The following KNOP1 variants were observed in gnomAD, a reference collection of about 807,000 sequenced individuals.
KNOP1 encodes lysine rich nucleolar protein 1.
KNOP1 carries 20 observed loss-of-function variants against 30.6 expected under a neutral mutation model. That is an observed-to-expected ratio of 0.65 (90% confidence interval 0.46 to 0.95). The LOEUF (loss-of-function observed/expected upper bound fraction) is 0.95, where lower values mean the gene tolerates loss of function less well. Ranked by LOEUF, KNOP1 falls within the 40% of genes least tolerant of loss-of-function variation. The pLI is 0.00. For synonymous variants in KNOP1, 204 were observed against 210.0 expected (o/e 0.97, Z 0.25); for missense variants, 540 against 562.0 (o/e 0.96, Z 0.40).
In KNOP1 at chr16:19,705,036, T is replaced by C. The variant is rs1976302767; in HGVS notation, c.*1874A>G. ...AGGGGCGGGTGCAGCTATGGGCAGA[T>C]GACTCATTGCCCAGCAATGGAGGCT... On this transcript the variant is annotated 3_prime_UTR_variant, in exon 5 of 5. Transcript: ENST00000219837. 1 of 393,866 alleles carries C rather than the reference T, an allele frequency of 2.5e-6. No individual in the cohort carries two copies. The highest frequency in any genetic ancestry group is 2.8e-5 in the Admixed American group (1 of 35,602). 24.4% of individuals were successfully genotyped at this position (393,866 alleles called of 1,614,324 possible). A position where few individuals can be genotyped will look rare whatever the true frequency, so the allele number is the denominator to read the frequency against.
At chr16:19,715,700 C>G (rs1304355273) in intron 1 of KNOP1, among the ~76,000 whole-genome samples, 1 of 152,140 alleles carries the variant, frequency 6.6e-6, no homozygotes, top group Non-Finnish European at 1.5e-5. Flanking sequence ...GGATTACACG[C>G]ATGAGCCACC....
In KNOP1 at chr16:19,707,148, AT is replaced by A; in HGVS notation, c.1138del (p.Met380TrpfsTer45). On this transcript the variant is annotated frameshift_variant, in exon 5 of 5. Coordinates refer to ENST00000219837, the MANE Select transcript of KNOP1 (RefSeq NM_001012991.3). LOFTEE classifies it low-confidence loss of function (END_TRUNC). ...EDQKLKFLRL[M>X]GGFKNLSPSF... is the part of the protein sequence containing the mutation. ...AGGGGACAGGTTTTTGAAGCCACCC[AT>A]AAGTCTGAGAAATTTCAGTTTTTGG... The A allele has an allele frequency of 6.2e-7, 1 of 1,614,096 alleles. No homozygotes were observed. Among genetic ancestry groups the A allele is most frequent in the South Asian group, 1.1e-5 (1 of 91,076 alleles).
chr16:19,718,196 C>A lies in KNOP1; in HGVS notation c.-41G>T, dbSNP rs1977307528. ...TTCCCCGCCTCCACGTGAGAGCCAG[C>A]TCCGCCGTGACCCGGAAGTCCACTT... On this transcript the variant is annotated 5_prime_UTR_variant, in exon 1 of 5. Transcript: ENST00000219837. 2.6e-6 allele frequency: 4 copies of A among 1,510,168 alleles called. No individual in the cohort carries two copies. Among genetic ancestry groups the A allele is most frequent in the Non-Finnish European group, 3.5e-6 (4 of 1,133,538 alleles). 93.5% of individuals were successfully genotyped at this position (1,510,168 alleles called of 1,614,324 possible). A position where few individuals can be genotyped will look rare whatever the true frequency, so the allele number is the denominator to read the frequency against.
intron 1 of KNOP1, 47 bp from the exon 2 acceptor site, chr16:19,715,084 G>A: frequency 7.2e-7 from 1 of 1,386,110 alleles, no homozygotes. Flanking sequence ...GCCATCCTGT[G>A]TTCAATTCTA....
At position 19,714,621 on chromosome 16, in the gene KNOP1, C is replaced by T. The variant is rs764157990; in HGVS notation, c.415G>A (p.Glu139Lys). Residue 139 changes from glutamate (E) to lysine (K), a missense_variant, in exon 2 of 5, where the codon GAG becomes AAG. Coordinates refer to ENST00000219837, the MANE Select transcript of KNOP1 (RefSeq NM_001012991.3). ...VKTSPDPRQGEEETRVGKKLK... is the reference protein window; with the variant it reads ...VKTSPDPRQGKEETRVGKKLK... ...TTCTTGCCAACTCTGGTTTCCTCCT[C>T]ACCCTGTCTAGGGTCTGGGGAGGTT... 1.2e-6 allele frequency: 2 copies of T among 1,614,152 alleles called. No homozygotes were observed. The highest frequency in any genetic ancestry group is 1.1e-5 in the South Asian group (1 of 91,080).
At chr16:19,714,046 C>A in intron 2 of KNOP1, 72 bp downstream of exon 2, 1 of 1,332,628 alleles carries the variant, frequency 7.5e-7, no homozygotes, top group Non-Finnish European at 1.0e-6. Context: ...CATGCACACA[C>A]GCCTACACAC....
In KNOP1 at chr16:19,703,007, A is replaced by AAAG. The variant is rs1555510302; in HGVS notation, c.*3902_*3903insCTT. On this transcript the variant is annotated 3_prime_UTR_variant, in exon 5 of 5. Coordinates refer to ENST00000219837, the MANE Select transcript of KNOP1 (RefSeq NM_001012991.3). Reference sequence around the variant, plus strand: ...AGAGTGAGACTGTCTCAAAAAAAAAAAAAGAAAGAAAAACAAAACCATGGC... The same window carrying AAAG: ...AGAGTGAGACTGTCTCAAAAAAAAAAAAGAAAGAAAGAAAAACAAAACCATGGC... 1.7e-4 allele frequency: 26 copies of AAAG among 150,198 alleles called. No homozygotes were observed. Among genetic ancestry groups the AAAG allele is most frequent in the Non-Finnish European group, 2.4e-4 (16 of 67,858 alleles). 9.3% of individuals were successfully genotyped at this position (150,198 alleles called of 1,614,324 possible). A position where few individuals can be genotyped will look rare whatever the true frequency, so the allele number is the denominator to read the frequency against.
rs1976415926 is a variant in KNOP1 at position 19,707,134 on chromosome 16, T to G, written c.1153A>C (p.Asn385His). 4 of 1,614,118 alleles carry G rather than the reference T, an allele frequency of 2.5e-6. No individual in the cohort carries two copies. The highest frequency in any genetic ancestry group is 3.4e-6 in the Non-Finnish European group (4 of 1,180,012). The change falls in exon 5 of 5, where the codon AAC becomes CAC. Residue 385 changes from asparagine to histidine, a missense_variant. Transcript: ENST00000219837. ...GGGCGGCTGAACGAAGGGGACAGGT[T>G]TTTGAAGCCACCCATAAGTCTGAGA... Reference protein sequence around the residue: ...KFLRLMGGFKNLSPSFSRPAS... With the variant: ...KFLRLMGGFKHLSPSFSRPAS...
chr16:19,714,019 A>C (rs1976851977), intron 2 of KNOP1, 99 bp downstream of exon 2: 1 of 1,017,702 alleles, frequency 9.8e-7, no homozygotes, highest in East Asian at 2.4e-5. Context: ...AAGCATGAGT[A>C]CTCGTGCATG....
At chr16:19,717,246 G>A (rs964912615) in intron 1 of KNOP1, 2 of 924,596 alleles carry the variant, frequency 2.2e-6, no homozygotes, top group African/African-American at 3.6e-5. Context: ...TCCACTGGGG[G>A]TTTAGGAACG....
In KNOP1 at chr16:19,707,042, A is replaced by G. The variant is rs1323926046; in HGVS notation, c.1245T>C (p.Asn415=). 6.2e-7 allele frequency: 1 copy of G among 1,614,038 alleles called. No homozygotes were observed. The highest frequency in any genetic ancestry group is 1.3e-5 in the African/African-American group (1 of 74,942). ...TGGCCCGGTCGTAGTCCCGCTGCAG[A>G]TTCTGCTGCAGGCTGTCAGCCGCCT... ...GKKAADSLQQ[N]LQRDYDRAMS... Residue 415 remains asparagine (N), a synonymous_variant, in exon 5 of 5, where the codon AAT becomes AAC. Transcript: ENST00000219837.
chr16:19,717,539 T>A (rs1977227037), intron 1 of KNOP1: 1 of 985,358 alleles, frequency 1.0e-6, no homozygotes, highest in East Asian at 1.1e-4. Context: ...TTAATCCCCT[T>A]CTCTCCCCAT....
chr16:19,703,308 T>C lies in KNOP1; in HGVS notation c.*3602A>G, dbSNP rs961036355. 2.0e-5 allele frequency: 3 copies of C among 152,160 alleles called. No individual in the cohort carries two copies. Among genetic ancestry groups the C allele is most frequent in the African/African-American group, 7.2e-5 (3 of 41,426 alleles). The allele number at this position is 152,160 out of a possible 1,614,324, so 9.4% of individuals were successfully genotyped here. On this transcript the variant is annotated 3_prime_UTR_variant, in exon 5 of 5. Coordinates refer to ENST00000219837, the MANE Select transcript of KNOP1 (RefSeq NM_001012991.3). The stretch of plus-strand genomic sequence containing the variant: ...CCCTTCCCATCTTCAAAACCAGCAG[T>C]GTCTAGTCAAGTCTTTCTTAAGTCT...
chr16:19,712,059 A>G (rs573028206), intron 2 of KNOP1: 7 of 152,938 alleles, frequency 4.6e-5, no homozygotes, highest in Admixed American at 4.5e-4. Context: ...CCTGCAACAC[A>G]TGTGCATTTG....
In KNOP1 at chr16:19,705,322, G is replaced by A. The variant is rs745974326; in HGVS notation, c.*1588C>T. On this transcript the variant is annotated 3_prime_UTR_variant, in exon 5 of 5. Transcript: ENST00000219837. ...TGTAGGAGGCATGTTCAGGCCAAAC[G>A]ATCGTGAAAATGTCCCAGTCAGAAC... 57 of 450,478 alleles carry A rather than the reference G, an allele frequency of 1.3e-4. No homozygotes were observed. The highest frequency in any genetic ancestry group is 2.2e-4 in the Non-Finnish European group (50 of 223,608). The allele number at this position is 450,478 out of a possible 1,614,324, so 27.9% of individuals were successfully genotyped here. A position where few individuals can be genotyped will look rare whatever the true frequency, so the allele number is the denominator to read the frequency against.
At chr16:19,710,869 G>A (rs1036716987) in intron 3 of KNOP1, among the ~76,000 whole-genome samples, 2 of 139,042 alleles carry the variant, frequency 1.4e-5, no homozygotes, top group African/African-American at 2.8e-5. Flanking sequence ...CCAAGATCAC[G>A]CCACGGCACT....
In KNOP1 at chr16:19,710,535, C is replaced by T. The variant is rs1976654410; in HGVS notation, c.1039G>A (p.Glu347Lys). The T allele has an allele frequency of 6.2e-7, 1 of 1,612,622 alleles. No individual in the cohort carries two copies. Among genetic ancestry groups the T allele is most frequent in the African/African-American group, 1.3e-5 (1 of 74,888 alleles). ...EEIDRESGKTEASETRKWTGT... is the reference protein window; with the variant it reads ...EEIDRESGKTKASETRKWTGT... ...GTCCACTTCCTGGTTTCAGAAGCTT[C>T]CGTTTTGCCTGACTCGCGATCGATC... is the stretch of plus-strand genomic sequence containing the variant. The change falls in exon 4 of 5, where the codon GAA becomes AAA. Residue 347 changes from glutamate (E) to lysine (K), a missense_variant. Physicochemically the swap from Glu to Lys is moderately conservative, Grantham distance 56. Coordinates refer to ENST00000219837, the MANE Select transcript of KNOP1 (RefSeq NM_001012991.3).
Position 19,714,270 on chromosome 16 carries a change from T to A in KNOP1, c.766A>T (p.Ile256Phe). ...KPVKVEAPEYIPISDDPKASA... is the reference protein window; with the variant it reads ...KPVKVEAPEYFPISDDPKASA... ...GCCTTAGGGTCATCACTTATGGGGA[T>A]GTATTCCGGAGCCTCAACTTTGACT... Residue 256 changes from isoleucine (I) to phenylalanine (F), a missense_variant, in exon 2 of 5, where the codon ATC becomes TTC. Coordinates refer to ENST00000219837, the MANE Select transcript of KNOP1 (RefSeq NM_001012991.3). 2 of 1,614,216 alleles carry A rather than the reference T, an allele frequency of 1.2e-6. No homozygotes were observed. The highest frequency in any genetic ancestry group is 1.7e-6 in the Non-Finnish European group (2 of 1,180,030).
chr16:19,713,083 C>T (rs1006219678), intron 2 of KNOP1, among the ~76,000 whole-genome samples: 2 of 152,174 alleles, frequency 1.3e-5, no homozygotes, highest in South Asian at 2.1e-4. Context: ...GACTGATACC[C>T]GCCCTGTCCT....
Sources: allele counts gnomAD v4.1 joint callset (sites outside exome capture counted in the v4.1 genomes callset), GRCh38; gene constraint gnomAD v4.1.1; transcripts MANE v1.5; gene names NCBI Gene and HGNC (gene_info 2026-07-23, HGNC 2026-07-21).